NR2F1-AS1: variants seen among roughly 807,000 people sequenced by gnomAD.
NR2F1-AS1 encodes NR2F1 regulatory antisense RNA 1.
chr5:93,437,523 G>A (rs1335795104), intron 4 of NR2F1-AS1, among the ~76,000 whole-genome samples: 1 of 152,014 alleles, frequency 6.6e-6, no homozygotes, highest in Non-Finnish European at 1.5e-5. Context: ...CTAAAAGCAG[G>A]CAAAAGTCAC....
At chr5:93,548,012 G>A (rs766126794) in intron 4 of NR2F1-AS1, among the ~76,000 whole-genome samples, 11 of 152,164 alleles carry the variant, frequency 7.2e-5, no homozygotes, top group Non-Finnish European at 1.5e-4. Context: ...ATCGTGGAAC[G>A]TAAGGCTGGC....
intron 4 of NR2F1-AS1, among the ~76,000 whole-genome samples, chr5:93,538,281 T>G (rs889275087): frequency 2.6e-5 from 4 of 152,134 alleles, no homozygotes; most frequent in Non-Finnish European, 5.9e-5. Context: ...AAGACCAGCC[T>G]GGACAATATA....
chr5:93,563,366 C>T (rs1308682213), exon 2 of NR2F1-AS1: 1 of 152,158 alleles, frequency 6.6e-6, no homozygotes, highest in East Asian at 1.9e-4. Flanking sequence ...ATTCTTACCG[C>T]CATTCATCCT....
At chr5:93,434,569 G>GA (rs1415238154) in intron 4 of NR2F1-AS1, among the ~76,000 whole-genome samples, 20 of 151,942 alleles carry the variant, frequency 1.3e-4, no homozygotes, top group African/African-American at 4.8e-4. Flanking sequence ...ACTTTCCCAA[G>GA]AAAAAAGATA....
chr5:93,484,616 G>T (rs1363807817), intron 4 of NR2F1-AS1, among the ~76,000 whole-genome samples: 1 of 152,072 alleles, frequency 6.6e-6, no homozygotes. Context: ...AACCTTATAT[G>T]TAAGCAGACT....
intron 4 of NR2F1-AS1, among the ~76,000 whole-genome samples, chr5:93,434,414 T>C (rs955605565): frequency 6.6e-6 from 1 of 152,198 alleles, no homozygotes; most frequent in Non-Finnish European, 1.5e-5. Flanking sequence ...TGACCCACAT[T>C]GTTAACATTT....
Position 93,539,933 on chromosome 5 carries a change from A to C in NR2F1-AS1, n.638+13828T>G, listed in dbSNP as rs557303764. ...AAATAAGAGACAGAAAGGAATAAAA[A>C]ATAAAGCAGTGTCAGTGTCTCAAGA... On this transcript the variant is annotated intron_variant and non_coding_transcript_variant, in intron 4 of 5. Coordinates refer to ENST00000660523, the Ensembl canonical transcript of NR2F1-AS1. Among the ~76,000 whole-genome samples, 4 of 152,332 alleles carry C rather than the reference A, an allele frequency of 2.6e-5. No individual in the cohort carries two copies. In the South Asian group the frequency reaches 8.3e-4, roughly 32 times the overall value.
At chr5:93,537,879 C>T (rs61352323) in intron 4 of NR2F1-AS1, among the ~76,000 whole-genome samples, 19,334 of 152,118 alleles carry the variant, frequency 0.13, 1,549 homozygotes, top group African/African-American at 0.22. Context: ...TTCTCAGCTA[C>T]GCCACTGTCT....
At chr5:93,454,771 T>C (rs1749910735) in intron 4 of NR2F1-AS1, among the ~76,000 whole-genome samples, 1 of 152,144 alleles carries the variant, frequency 6.6e-6, no homozygotes, top group African/African-American at 2.4e-5. Context: ...GCCTACATGA[T>C]GAAACCTCCA....
At chr5:93,419,047 CA>C (rs1413555031) in intron 4 of NR2F1-AS1, among the ~76,000 whole-genome samples, 1 of 152,136 alleles carries the variant, frequency 6.6e-6, no homozygotes. Flanking sequence ...TTCACAAAAA[CA>C]AAAACATTAC....
chr5:93,458,456 CAAG>C (rs1431471520), intron 4 of NR2F1-AS1, among the ~76,000 whole-genome samples: 1 of 151,988 alleles, frequency 6.6e-6, no homozygotes, highest in Admixed American at 6.6e-5. Flanking sequence ...AAAAAGAGAA[CAAG>C]AAGAACTAGA....
At chr5:93,430,591 T>A (rs1749290513) in intron 4 of NR2F1-AS1, among the ~76,000 whole-genome samples, 1 of 152,194 alleles carries the variant, frequency 6.6e-6, no homozygotes, top group Non-Finnish European at 1.5e-5. Flanking sequence ...TATTCAGTAT[T>A]CAGAGTAATT....
At chr5:93,550,678 G>A (rs1752205851) in intron 4 of NR2F1-AS1, among the ~76,000 whole-genome samples, 1 of 152,104 alleles carries the variant, frequency 6.6e-6, no homozygotes, top group African/African-American at 2.4e-5. Context: ...CCTGAAATCC[G>A]AAGGCAGGAA....
At chr5:93,545,746 T>G (rs1407856797) in intron 4 of NR2F1-AS1, among the ~76,000 whole-genome samples, 2 of 152,250 alleles carry the variant, frequency 1.3e-5, no homozygotes, top group Non-Finnish European at 2.9e-5. Flanking sequence ...CTTTTGTTGT[T>G]AATTTCATTA....
chr5:93,468,266 C>T (rs1051232951), intron 4 of NR2F1-AS1, among the ~76,000 whole-genome samples: 2 of 152,166 alleles, frequency 1.3e-5, no homozygotes, highest in Admixed American at 6.5e-5. Flanking sequence ...TTTACACTCC[C>T]ACCAACAGTG....
chr5:93,554,829 T>C (rs1219596259), intron 3 of NR2F1-AS1: 1 of 152,194 alleles, frequency 6.6e-6, no homozygotes, highest in Admixed American at 6.5e-5. Context: ...CCAGATCCTC[T>C]GTTAGCACAG....
intron 4 of NR2F1-AS1, among the ~76,000 whole-genome samples, chr5:93,549,386 AAAC>A (rs1044001465): frequency 1.3e-5 from 2 of 152,194 alleles, no homozygotes; most frequent in African/African-American, 4.8e-5. Flanking sequence ...TCACAAAGGA[AAAC>A]AAAGAAAGTA....
chr5:93,545,408 T>C (rs981580214), intron 4 of NR2F1-AS1, among the ~76,000 whole-genome samples: 5 of 152,218 alleles, frequency 3.3e-5, no homozygotes, highest in African/African-American at 1.2e-4. Flanking sequence ...TACTTGGTTA[T>C]TTGACAAGCA....
intron 4 of NR2F1-AS1, among the ~76,000 whole-genome samples, chr5:93,459,508 G>A (rs1750043011): frequency 6.6e-6 from 1 of 152,052 alleles, no homozygotes; most frequent in South Asian, 2.1e-4. Flanking sequence ...TAATAAAATA[G>A]TTTGTTTATT....
Sources: allele counts gnomAD v4.1 joint callset (sites outside exome capture counted in the v4.1 genomes callset), GRCh38; gene constraint gnomAD v4.1.1; transcripts MANE v1.5; gene names NCBI Gene and HGNC (gene_info 2026-07-23, HGNC 2026-07-21).